The following DOK5 variants were observed in gnomAD, a reference collection of about 807,000 sequenced individuals.
The protein encoded by DOK5 is downstream of tyrosine kinase 5.
DOK5 carries 27 observed loss-of-function variants against 43.3 expected under a neutral mutation model. The ratio of observed to expected loss-of-function variants is 0.62; its 90% CI spans 0.46 to 0.86. DOK5 has a LOEUF of 0.86. Among genes scored for constraint, DOK5 ranks in the 40% least tolerant of loss-of-function variants. The pLI is 0.00. For synonymous variants in DOK5, 146 were observed against 140.1 expected, an observed-to-expected ratio of 1.04 and a Z score of -0.30; for missense variants, 373 against 392.9, an observed-to-expected ratio of 0.95 and a Z score of 0.43.
At chr20:54,482,534 T>C (rs938900986) in intron 1 of DOK5, among the ~76,000 whole-genome samples, 1 of 152,222 alleles carries the variant, frequency 6.6e-6, no homozygotes, top group African/African-American at 2.4e-5. Context: ...CTCGCTCTGC[T>C]GCCTAGGCTG....
At chr20:54,550,711 A>G (rs1984500629) in intron 1 of DOK5, among the ~76,000 whole-genome samples, 1 of 150,610 alleles carries the variant, frequency 6.6e-6, no homozygotes, top group South Asian at 2.1e-4. Flanking sequence ...AAGTTGTTGC[A>G]GATATTAATA....
chr20:54,526,812 T>G (rs543329066), intron 1 of DOK5, among the ~76,000 whole-genome samples: 32 of 152,192 alleles, frequency 2.1e-4, no homozygotes, highest in Non-Finnish European at 3.8e-4. Context: ...TTTTTCCCTT[T>G]CTGAATACCA....
At chr20:54,629,994 A>G (rs1001206387) in intron 6 of DOK5, among the ~76,000 whole-genome samples, 1 of 152,190 alleles carries the variant, frequency 6.6e-6, no homozygotes, top group African/African-American at 2.4e-5. Context: ...CAGACCCTGT[A>G]GCTATGAGCT....
intron 6 of DOK5, among the ~76,000 whole-genome samples, chr20:54,617,924 T>C (rs1986865027): frequency 6.6e-6 from 1 of 152,260 alleles, no homozygotes; most frequent in South Asian, 2.1e-4. Context: ...GCAGATACTT[T>C]ACTTGCCTTT....
chr20:54,600,783 G>C (rs76053975), intron 5 of DOK5, among the ~76,000 whole-genome samples: 3,257 of 152,254 alleles, frequency 0.021, 141 homozygotes, highest in African/African-American at 0.074. Context: ...GAGTTATATT[G>C]TTCCTGTCTA....
At chr20:54,584,167 A>G (rs1985726013) in intron 2 of DOK5, among the ~76,000 whole-genome samples, 1 of 151,696 alleles carries the variant, frequency 6.6e-6, no homozygotes, top group African/African-American at 2.4e-5. Flanking sequence ...AATAAATAAT[A>G]AAAATAAATA....
rs567323339 is a variant in DOK5, at chr20:54,638,122, G to GCA, written c.736-5336_736-5335insCA. On this transcript the variant is annotated intron_variant, in intron 6 of 7. Coordinates refer to ENST00000262593, the MANE Select transcript of DOK5 (RefSeq NM_018431.5). ...GGGTGACAGAGCGAGACTCTGTCTC[G>GCA]AAAAAAAAAAAAAAAGATAATCCCT... Among the ~76,000 whole-genome samples the GCA allele has an allele frequency of 3.1e-5, 4 of 130,124 alleles. No individual in the cohort carries two copies. The Admixed American group carries it at 3.1e-4, about 10-fold the overall frequency. 85.4% of individuals were successfully genotyped at this position (130,124 alleles called of 152,430 possible). A position where few individuals can be genotyped will look rare whatever the true frequency, so the allele number is the denominator to read the frequency against.
chr20:54,517,007 A>G (rs538662077), intron 1 of DOK5, among the ~76,000 whole-genome samples: 4 of 152,306 alleles, frequency 2.6e-5, no homozygotes, highest in Admixed American at 2.0e-4. Flanking sequence ...TAAATGCAAC[A>G]TATCTCGGGT....
At chr20:54,528,821 T>A (rs1983666456) in intron 1 of DOK5, among the ~76,000 whole-genome samples, 1 of 152,106 alleles carries the variant, frequency 6.6e-6, no homozygotes, top group South Asian at 2.1e-4. Flanking sequence ...TATATACTTT[T>A]GTACTGTTGT....
At chr20:54,617,578 G>A (rs553494541) in intron 6 of DOK5, among the ~76,000 whole-genome samples, 27 of 152,010 alleles carry the variant, frequency 1.8e-4, no homozygotes, top group African/African-American at 2.7e-4. Flanking sequence ...TTTTTCCTCC[G>A]CCTCTCAAAG....
chr20:54,476,468 C>A (rs866356342), intron 1 of DOK5, among the ~76,000 whole-genome samples: 109 of 152,118 alleles, frequency 7.2e-4, no homozygotes, highest in African/African-American at 2.5e-3. Flanking sequence ...CCTCTGACCC[C>A]AGGGAGAGAT....
chr20:54,505,664 G>C (rs780483808), intron 1 of DOK5, among the ~76,000 whole-genome samples: 3 of 152,060 alleles, frequency 2.0e-5, no homozygotes, highest in Non-Finnish European at 2.9e-5. Flanking sequence ...GAGAGAAAGA[G>C]AGAGTATAGG....
chr20:54,630,237 T>C, intron 6 of DOK5, among the ~76,000 whole-genome samples: 1 of 152,060 alleles, frequency 6.6e-6, no homozygotes, highest in Admixed American at 6.6e-5. Flanking sequence ...GGGAAAGTGG[T>C]GGATCCTGGG....
chr20:54,612,071 C>T (rs528575502), intron 6 of DOK5, among the ~76,000 whole-genome samples: 1 of 152,328 alleles, frequency 6.6e-6, no homozygotes, highest in African/African-American at 2.4e-5. Context: ...TATTAATGGA[C>T]ATTGAGATAC....
intron 5 of DOK5, among the ~76,000 whole-genome samples, chr20:54,605,719 C>G (rs544112430): frequency 5.3e-5 from 8 of 152,324 alleles, no homozygotes; most frequent in Admixed American, 3.9e-4. Context: ...ACAATTCATT[C>G]TACAGTTATT....
At chr20:54,612,040 G>A (rs1462517853) in intron 6 of DOK5, among the ~76,000 whole-genome samples, 2 of 152,198 alleles carry the variant, frequency 1.3e-5, no homozygotes, top group Non-Finnish European at 2.9e-5. Context: ...AATGAGCATG[G>A]CCATGTCTCA....
intron 5 of DOK5, among the ~76,000 whole-genome samples, chr20:54,597,910 T>G (rs1338343715): frequency 6.6e-6 from 1 of 152,264 alleles, no homozygotes; most frequent in East Asian, 1.9e-4. Context: ...CCTTTCCCAC[T>G]GAAGCTGCCT....
At chr20:54,618,216 G>A (rs988408603) in intron 6 of DOK5, among the ~76,000 whole-genome samples, 13 of 152,196 alleles carry the variant, frequency 8.5e-5, no homozygotes, top group Non-Finnish European at 5.9e-5. Flanking sequence ...ATTACTACTG[G>A]AGCCAGGAAT....
At chr20:54,634,072 A>G (rs1314132764) in intron 6 of DOK5, among the ~76,000 whole-genome samples, 1 of 152,232 alleles carries the variant, frequency 6.6e-6, no homozygotes, top group East Asian at 1.9e-4. Flanking sequence ...CAGCGAAACC[A>G]AATGAGGAAC....
Sources: gnomAD v4.1 joint callset for allele counts (sites outside exome capture counted in the v4.1 genomes callset) on GRCh38, gnomAD v4.1.1 for gene constraint, MANE v1.5 for transcripts, NCBI Gene and HGNC (gene_info 2026-07-23, HGNC 2026-07-21) for gene names.